RCOR1: variants seen among roughly 807,000 people sequenced by gnomAD.
RCOR1 encodes REST corepressor.
In RCOR1, 12 loss-of-function variants were observed where a neutral mutation model predicts 64.0. That is an observed-to-expected ratio of 0.19 (90% CI 0.12 to 0.30). The LOEUF is 0.30. Ranked by LOEUF, RCOR1 falls within the 10% of genes least tolerant of loss-of-function variation. The pLI is 1.00. For synonymous variants in RCOR1, 279 were observed against 227.2 expected, an observed-to-expected ratio of 1.23 and a Z score of -2.05; for missense variants, 502 against 621.2, an observed-to-expected ratio of 0.81 and a Z score of 2.04.
intron 2 of RCOR1, among the ~76,000 whole-genome samples, chr14:102,627,229 A>G (rs932395954): frequency 6.6e-6 from 1 of 152,200 alleles, no homozygotes; most frequent in South Asian, 2.1e-4. Flanking sequence ...CTGTGCACGT[A>G]TACTAGGCTC....
At chr14:102,709,222 T>C (rs1420227568) in intron 6 of RCOR1, among the ~76,000 whole-genome samples, 1 of 152,178 alleles carries the variant, frequency 6.6e-6, no homozygotes, top group South Asian at 2.1e-4. Flanking sequence ...CTTTAATTTA[T>C]TTTTTAAAAT....
chr14:102,670,625 C>T (rs1368569694), intron 2 of RCOR1, among the ~76,000 whole-genome samples: 1 of 151,672 alleles, frequency 6.6e-6, no homozygotes, highest in Non-Finnish European at 1.5e-5. Context: ...GTTTTCATAC[C>T]TCTTCCTTAA....
intron 2 of RCOR1, among the ~76,000 whole-genome samples, chr14:102,599,776 A>T (rs369349233): frequency 6.6e-6 from 1 of 150,486 alleles, no homozygotes; most frequent in East Asian, 1.9e-4. Context: ...TAAAAAAAAT[A>T]TGGTGAATGC....
At chr14:102,654,660 G>C (rs1894684078) in intron 2 of RCOR1, among the ~76,000 whole-genome samples, 1 of 151,796 alleles carries the variant, frequency 6.6e-6, no homozygotes, top group African/African-American at 2.4e-5. Flanking sequence ...TTGAGCCTGA[G>C]TTTGAGACCA....
chr14:102,721,252 C>G, intron 9 of RCOR1, 68 bp from the exon 10 acceptor site: 1 of 1,389,078 alleles, frequency 7.2e-7, no homozygotes. Flanking sequence ...ATGAAAGGTT[C>G]GTTAAGCTCA....
At chr14:102,707,106 TTATACC>T (rs750475331) in intron 4 of RCOR1, among the ~76,000 whole-genome samples, 55 of 152,240 alleles carry the variant, frequency 3.6e-4, no homozygotes, top group Admixed American at 7.8e-4. Flanking sequence ...TTCTTGATAC[TTATACC>T]TATATTAAAA....
In RCOR1 at chr14:102,729,951, A is replaced by T. The variant is rs556277859; in HGVS notation, c.*3445A>T. 3 of 398,976 alleles carry T rather than the reference A, an allele frequency of 7.5e-6. No individual in the cohort carries two copies. Among genetic ancestry groups the T allele is most frequent in the Non-Finnish European group, 1.3e-5 (3 of 226,080 alleles). The allele number at this position is 398,976 out of a possible 1,614,324, so 24.7% of individuals were successfully genotyped here. ...AACTTTCCTCAGATGGACTCCAGGT[A>T]GCCAGGTCACCTAAACCTAGTGGTC... On this transcript the variant is annotated 3_prime_UTR_variant, in exon 12 of 12. Coordinates refer to ENST00000262241, the MANE Select transcript of RCOR1 (RefSeq NM_015156.4).
rs79691636 is a variant in RCOR1, at chr14:102,702,198, T to G, written c.498+868T>G. Reference sequence around the variant, plus strand: ...ACCAAGAGTTTAGATTATGTGAAATTGTACCCTTTCTTTTGGACTTGGCCT... The same window carrying G: ...ACCAAGAGTTTAGATTATGTGAAATGGTACCCTTTCTTTTGGACTTGGCCT... On this transcript the variant is annotated intron_variant, in intron 4 of 11. Transcript: ENST00000262241. Among the ~76,000 whole-genome samples, 144 of 152,318 alleles carry G rather than the reference T, an allele frequency of 9.5e-4. 2 individuals carry two copies. In the East Asian group the frequency reaches 0.025, roughly 27 times the overall value.
chr14:102,701,137 A>G, intron 3 of RCOR1, 141 bp from the exon 4 acceptor site: 2 of 717,158 alleles, frequency 2.8e-6, no homozygotes, highest in Non-Finnish European at 5.0e-6. Context: ...TGTGGGAGAT[A>G]CAAATCAAAA....
intron 2 of RCOR1, among the ~76,000 whole-genome samples, chr14:102,650,197 C>CAAA (rs35233018): frequency 5.5e-4 from 46 of 83,796 alleles, no homozygotes; most frequent in African/African-American, 1.7e-3. Context: ...GACTCCACCG[C>CAAA]AAAAAAAAAA....
chr14:102,612,770 C>A (rs1893657582), intron 2 of RCOR1, among the ~76,000 whole-genome samples: 1 of 151,834 alleles, frequency 6.6e-6, no homozygotes, highest in Admixed American at 6.6e-5. Context: ...AGGAGGATTG[C>A]TTGATGCCAG....
At chr14:102,615,620 G>C (rs1893743513) in intron 2 of RCOR1, among the ~76,000 whole-genome samples, 1 of 151,758 alleles carries the variant, frequency 6.6e-6, no homozygotes, top group Non-Finnish European at 1.5e-5. Flanking sequence ...AGCTAATTTT[G>C]TATTTTTAGT....
intron 2 of RCOR1, among the ~76,000 whole-genome samples, chr14:102,608,371 G>GAGT (rs1182226767): frequency 1.3e-5 from 2 of 152,140 alleles, no homozygotes; most frequent in Non-Finnish European, 2.9e-5. Flanking sequence ...GTTGAAGCTT[G>GAGT]AGTCAGTATT....
intron 2 of RCOR1, among the ~76,000 whole-genome samples, chr14:102,603,205 G>A (rs886546234): frequency 1.3e-4 from 19 of 151,812 alleles, no homozygotes; most frequent in Non-Finnish European, 1.3e-4. Flanking sequence ...CTCAGTTTCT[G>A]GAGTAGTTTG....
chr14:102,720,535 C>T (rs1185838303), intron 8 of RCOR1, among the ~76,000 whole-genome samples: 2 of 152,194 alleles, frequency 1.3e-5, no homozygotes, highest in African/African-American at 4.8e-5. Context: ...CACTTCTGCC[C>T]TGTGTAGAAG....
chr14:102,718,899 C>T (rs1252334285), intron 8 of RCOR1, among the ~76,000 whole-genome samples: 1 of 152,044 alleles, frequency 6.6e-6, no homozygotes, highest in African/African-American at 2.4e-5. Flanking sequence ...AAGCAGTTGC[C>T]CACCTCAGCC....
intron 3 of RCOR1, among the ~76,000 whole-genome samples, chr14:102,696,732 A>G (rs565362526): frequency 6.7e-6 from 1 of 148,780 alleles, no homozygotes; most frequent in African/African-American, 2.5e-5. Context: ...AGTTTTTTGT[A>G]GGTAGCTTGT....
chr14:102,701,598 G>C (rs372098945), intron 4 of RCOR1, among the ~76,000 whole-genome samples: 51 of 152,312 alleles, frequency 3.3e-4, no homozygotes, highest in African/African-American at 1.0e-3. Flanking sequence ...GGAGCTGGAT[G>C]CTTGAGCATA....
intron 3 of RCOR1, among the ~76,000 whole-genome samples, chr14:102,689,319 TA>T (rs1220971598): frequency 2.0e-5 from 3 of 151,960 alleles, no homozygotes; most frequent in Admixed American, 6.6e-5. Flanking sequence ...TGATTATTAT[TA>T]TTTTTTTTAA....
Sources: allele counts gnomAD v4.1 joint callset (sites outside exome capture counted in the v4.1 genomes callset), GRCh38; gene constraint gnomAD v4.1.1; transcripts MANE v1.5; gene names NCBI Gene and HGNC (gene_info 2026-07-23, HGNC 2026-07-21).